NTNG1: variants seen among roughly 807,000 people sequenced by gnomAD.
NTNG1 encodes netrin-G1.
NTNG1 carries 16 observed loss-of-function variants against 54.0 expected under a neutral mutation model. The observed-to-expected ratio is 0.30, with a 90% confidence interval of 0.20 to 0.45. The LOEUF is 0.45. Ranked by LOEUF, NTNG1 falls within the 20% of genes least tolerant of loss-of-function variation. The pLI, the probability that NTNG1 is intolerant of heterozygous loss-of-function variation, is 1.00. For synonymous variants in NTNG1, 255 were observed against 263.1 expected (o/e 0.97, Z 0.30); for missense variants, 530 against 678.7 (o/e 0.78, Z 2.43).
intron 7 of NTNG1, among the ~76,000 whole-genome samples, chr1:107,447,819 A>G (rs1015943295): frequency 1.3e-5 from 2 of 152,102 alleles, no homozygotes; most frequent in African/African-American, 4.8e-5. Flanking sequence ...GAGCTTCTTA[A>G]CAGAGCCTTG....
chr1:107,450,631 T>G (rs1676567544), intron 7 of NTNG1, among the ~76,000 whole-genome samples: 1 of 152,102 alleles, frequency 6.6e-6, no homozygotes, highest in Non-Finnish European at 1.5e-5. Context: ...CTATTATGTC[T>G]TTTTCTGTGG....
chr1:107,402,325 C>T (rs1673095340), intron 4 of NTNG1, among the ~76,000 whole-genome samples: 1 of 152,122 alleles, frequency 6.6e-6, no homozygotes, highest in East Asian at 1.9e-4. Flanking sequence ...TTCTTCATGC[C>T]AACAGGACAC....
rs528267780 is a variant in NTNG1 at position 107,483,988 on chromosome 1, C to CA, written c.*3149dup. ...AGAGAGACCCATTCTGACTCTCCTC[C>CA]AGCTTTCTCCCAGATATCAGGAACC... On this transcript the variant is annotated 3_prime_UTR_variant, in exon 8 of 8. Transcript: ENST00000370068. 9.2e-5 allele frequency among the ~76,000 whole-genome samples: 14 copies of CA among 152,302 alleles called. 1 individual carries two copies. The East Asian group carries it at 1.9e-3, about 21-fold the overall frequency.
intron 2 of NTNG1, among the ~76,000 whole-genome samples, chr1:107,154,966 GA>G (rs1157723714): frequency 3.3e-5 from 5 of 151,982 alleles, no homozygotes; most frequent in Non-Finnish European, 5.9e-5. Flanking sequence ...TCAAAATAAT[GA>G]ATGCTTTGCA....
intron 3 of NTNG1, among the ~76,000 whole-genome samples, chr1:107,351,703 A>G (rs1384937075): frequency 1.3e-5 from 2 of 152,186 alleles, no homozygotes; most frequent in East Asian, 1.9e-4. Context: ...ATTGCAGTAT[A>G]TAATCATGCC....
chr1:107,169,172 A>G (rs1029490526), intron 2 of NTNG1, among the ~76,000 whole-genome samples: 1 of 152,150 alleles, frequency 6.6e-6, no homozygotes, highest in Non-Finnish European at 1.5e-5. Context: ...ATACATTCCT[A>G]TAATTTACAG....
chr1:107,462,243 C>T (rs1677323484), intron 7 of NTNG1, among the ~76,000 whole-genome samples: 1 of 152,184 alleles, frequency 6.6e-6, no homozygotes, highest in South Asian at 2.1e-4. Flanking sequence ...AAAGTAATAG[C>T]ATTCACAGCA....
At chr1:107,472,418 T>C (rs940817585) in intron 7 of NTNG1, among the ~76,000 whole-genome samples, 3 of 152,232 alleles carry the variant, frequency 2.0e-5, no homozygotes, top group African/African-American at 7.2e-5. Flanking sequence ...CTGTAACCTG[T>C]AGCCTAACTT....
chr1:107,229,299 C>T (rs1660897821), intron 2 of NTNG1, among the ~76,000 whole-genome samples: 1 of 149,666 alleles, frequency 6.7e-6, no homozygotes, highest in Non-Finnish European at 1.5e-5. Context: ...TCTGTATACA[C>T]TTGATGTCAT....
chr1:107,470,772 C>A (rs1677929252), intron 7 of NTNG1, among the ~76,000 whole-genome samples: 1 of 152,172 alleles, frequency 6.6e-6, no homozygotes, highest in African/African-American at 2.4e-5. Context: ...TTATGAGAAC[C>A]TTGTCTGTGT....
chr1:107,418,583 C>T (rs1454854266), intron 5 of NTNG1: 1 of 1,600,562 alleles, frequency 6.2e-7, no homozygotes, highest in Non-Finnish European at 8.5e-7. Context: ...CGTGCAGATC[C>T]TCCAAAGTTT....
intron 2 of NTNG1, among the ~76,000 whole-genome samples, chr1:107,244,318 C>T (rs1662042372): frequency 6.6e-6 from 1 of 152,150 alleles, no homozygotes; most frequent in African/African-American, 2.4e-5. Flanking sequence ...CCTGTAACTT[C>T]TAAAACTCAT....
intron 2 of NTNG1, among the ~76,000 whole-genome samples, chr1:107,283,832 T>C (rs6684456): frequency 0.11 from 17,063 of 152,180 alleles, 1,822 homozygotes; most frequent in African/African-American, 0.28. Context: ...AACTCAGCCA[T>C]TGACTCCTAT....
intron 2 of NTNG1, among the ~76,000 whole-genome samples, chr1:107,178,046 C>T (rs546522442): frequency 6.6e-6 from 1 of 152,158 alleles, no homozygotes; most frequent in Non-Finnish European, 1.5e-5. Flanking sequence ...TTTATTTACA[C>T]TACTATTCAC....
chr1:107,445,693 G>A (rs1676265919), intron 7 of NTNG1, among the ~76,000 whole-genome samples: 1 of 152,008 alleles, frequency 6.6e-6, no homozygotes, highest in East Asian at 1.9e-4. Context: ...TATTCCAGGG[G>A]TCAGCAAATT....
At chr1:107,429,899 T>C (rs1675148614) in intron 5 of NTNG1, among the ~76,000 whole-genome samples, 1 of 152,148 alleles carries the variant, frequency 6.6e-6, no homozygotes, top group Admixed American at 6.6e-5. Flanking sequence ...ACTACTCTCA[T>C]GCTCTTCTTC....
At chr1:107,199,164 C>G (rs971191669) in intron 2 of NTNG1, among the ~76,000 whole-genome samples, 2 of 151,738 alleles carry the variant, frequency 1.3e-5, no homozygotes, top group African/African-American at 2.4e-5. Flanking sequence ...CTTAATAATA[C>G]CATATATTCT....
chr1:107,458,259 G>A (rs11803285), intron 7 of NTNG1, among the ~76,000 whole-genome samples: 23,418 of 151,994 alleles, frequency 0.15, 2,014 homozygotes, highest in Admixed American at 0.26. Context: ...CTGCCAATCC[G>A]GGGGAAGCAA....
intron 2 of NTNG1, among the ~76,000 whole-genome samples, chr1:107,268,774 A>G (rs952896628): frequency 1.4e-4 from 22 of 152,172 alleles, no homozygotes; most frequent in African/African-American, 5.3e-4. Context: ...CATTCTAGAC[A>G]ACTCCAGTTC....
Sources: gnomAD v4.1 joint callset for allele counts (sites outside exome capture counted in the v4.1 genomes callset) on GRCh38, gnomAD v4.1.1 for gene constraint, MANE v1.5 for transcripts, NCBI Gene and HGNC (gene_info 2026-07-23, HGNC 2026-07-21) for gene names.